Variants in NME7 observed in about 807,000 individuals in gnomAD.
NME7 encodes nucleoside diphosphate kinase 7.
A neutral mutation model predicts 49.1 loss-of-function variants in NME7; 41 were observed. The ratio of observed to expected loss-of-function variants is 0.83; its 90% CI spans 0.65 to 1.08. The LOEUF (loss-of-function observed/expected upper bound fraction) is 1.08, where lower values mean the gene tolerates loss of function less well. NME7 is among the 50% of genes least tolerant of loss of function. The pLI, the probability that NME7 is intolerant of heterozygous loss-of-function variation, is 0.00. For missense variants in NME7, 423 were observed against 463.4 expected (o/e 0.91, Z 0.80); for synonymous variants, 139 against 150.6 (o/e 0.92, Z 0.56).
intron 10 of NME7, among the ~76,000 whole-genome samples, chr1:169,211,583 CAT>C (rs1050268437): frequency 9.2e-5 from 14 of 152,216 alleles, no homozygotes; most frequent in African/African-American, 2.6e-4. Flanking sequence ...TAGATTTGCA[CAT>C]GTTTTATGCC....
At chr1:169,205,481 A>G (rs1660648359) in intron 10 of NME7, among the ~76,000 whole-genome samples, 1 of 152,114 alleles carries the variant, frequency 6.6e-6, no homozygotes, top group Non-Finnish European at 1.5e-5. Flanking sequence ...AGTAAGAAAA[A>G]TCCATATTTA....
intron 7 of NME7, among the ~76,000 whole-genome samples, chr1:169,276,827 T>C (rs1649753940): frequency 7.1e-6 from 1 of 140,894 alleles, no homozygotes; most frequent in African/African-American, 2.5e-5. Flanking sequence ...GGCCATTTAG[T>C]GCTATAAATT....
intron 3 of NME7, 32 bp downstream of exon 3, chr1:169,323,085 C>T (rs1651914699): frequency 6.8e-7 from 1 of 1,479,124 alleles, no homozygotes; most frequent in African/African-American, 1.4e-5. Context: ...AAAGTTAGAG[C>T]ATGTAAAAAG....
chr1:169,324,574 G>T, intron 1 of NME7, 74 bp from the exon 2 acceptor site: 1 of 885,994 alleles, frequency 1.1e-6, no homozygotes, highest in East Asian at 2.5e-5. Context: ...CACACAAAAT[G>T]AAATTACCAA....
chr1:169,141,562 C>G (rs1016576925), intron 11 of NME7, among the ~76,000 whole-genome samples: 1 of 152,130 alleles, frequency 6.6e-6, no homozygotes, highest in African/African-American at 2.4e-5. Context: ...TGCTGAGTGT[C>G]CTCATAAAGG....
At chr1:169,233,291 A>T (rs1246812227) in intron 9 of NME7, among the ~76,000 whole-genome samples, 1 of 152,106 alleles carries the variant, frequency 6.6e-6, no homozygotes, top group East Asian at 1.9e-4. Flanking sequence ...AATGCCTCTC[A>T]TAGTGTCTAG....
At chr1:169,346,523 C>T (rs145605737) in intron 1 of NME7, among the ~76,000 whole-genome samples, 4 of 152,338 alleles carry the variant, frequency 2.6e-5, no homozygotes, top group Non-Finnish European at 5.9e-5. Context: ...CTCCACAAGA[C>T]TAACTCTGGC....
intron 3 of NME7, among the ~76,000 whole-genome samples, chr1:169,316,344 A>C (rs1293862994): frequency 6.6e-6 from 1 of 152,222 alleles, no homozygotes; most frequent in Non-Finnish European, 1.5e-5. Context: ...ATTATTATAG[A>C]ACTGTAAGTT....
chr1:169,202,719 T>A (rs1412148944), intron 10 of NME7, among the ~76,000 whole-genome samples: 1 of 152,156 alleles, frequency 6.6e-6, no homozygotes, highest in Non-Finnish European at 1.5e-5. Flanking sequence ...AGGGTTGTAG[T>A]CTGAAGGGTG....
intron 7 of NME7, among the ~76,000 whole-genome samples, chr1:169,243,831 A>G (rs1458251980): frequency 6.6e-6 from 1 of 152,182 alleles, no homozygotes; most frequent in Non-Finnish European, 1.5e-5. Context: ...GATAATGCCT[A>G]TGAGGAAAGT....
chr1:169,183,352 A>C (rs1421817022), intron 10 of NME7, among the ~76,000 whole-genome samples: 1 of 152,184 alleles, frequency 6.6e-6, no homozygotes. Context: ...AGACATGTCT[A>C]TTACTATTAT....
At chr1:169,303,089 T>C (rs1198084056) in intron 5 of NME7, 56 bp downstream of exon 5, 78 of 1,177,174 alleles carry the variant, frequency 6.6e-5, no homozygotes, top group Non-Finnish European at 9.2e-5. Flanking sequence ...TGTAACTCCA[T>C]AGTTTTCTAG....
Position 169,230,749 on chromosome 1 carries a change from G to A in NME7, c.959C>T (p.Thr320Ile). The A allele has an allele frequency of 1.2e-6, 2 of 1,604,286 alleles. No homozygotes were observed. Among genetic ancestry groups the A allele is most frequent in the Admixed American group, 1.7e-5 (1 of 58,228 alleles). ...MEIQQNNATK[T>I]FREFCGPADP... ...AGCAGGTCCACAAAATTCTCGAAATGTCTTTGTAGCATTATTCTGTTGAAT... is the reference window on the plus strand; with the variant it reads ...AGCAGGTCCACAAAATTCTCGAAATATCTTTGTAGCATTATTCTGTTGAAT... Residue 320 changes from threonine (T) to isoleucine (I), a missense_variant, in exon 10 of 12, where the codon ACA (threonine) becomes ATA (isoleucine). Coordinates refer to ENST00000367811, the MANE Select transcript of NME7 (RefSeq NM_013330.5).
intron 1 of NME7, among the ~76,000 whole-genome samples, chr1:169,361,693 T>C (rs990562407): frequency 3.3e-5 from 5 of 151,512 alleles, no homozygotes; most frequent in South Asian, 2.1e-4. Flanking sequence ...GGCACAAGAA[T>C]TGCTTGAACC....
chr1:169,238,137 C>T (rs1177757565), intron 7 of NME7, among the ~76,000 whole-genome samples: 2 of 151,810 alleles, frequency 1.3e-5, no homozygotes, highest in Admixed American at 6.6e-5. Context: ...AAATGAAAAG[C>T]ATGAATGGTC....
intron 6 of NME7, among the ~76,000 whole-genome samples, chr1:169,296,881 T>C (rs1370915888): frequency 1.3e-5 from 2 of 152,152 alleles, no homozygotes; most frequent in Admixed American, 6.6e-5. Flanking sequence ...CTTCTTTCAT[T>C]ATTACCACCC....
At chr1:169,299,184 AATTT>A (rs1434585250) in intron 5 of NME7, among the ~76,000 whole-genome samples, 2 of 152,114 alleles carry the variant, frequency 1.3e-5, no homozygotes, top group African/African-American at 4.8e-5. Context: ...TTTTAGTAAG[AATTT>A]ATTTATTTTT....
Position 169,235,188 on chromosome 1 carries a change from A to G in NME7, c.831T>C (p.Asp277=), listed in dbSNP as rs749789543. The part of the protein sequence containing the change: ...EISAMQMFNM[D]RVNVEEFYEV... ...CATAGAATTCCTCAACATTAACCCG[A>G]TCCATATTGAACTATATTAAAAAAT... is the stretch of plus-strand genomic sequence containing the variant. Residue 277 remains aspartate, a synonymous_variant, in exon 9 of 12, where the codon GAT becomes GAC. Transcript: ENST00000367811. 2 of 1,540,288 alleles carry G rather than the reference A, an allele frequency of 1.3e-6. No homozygotes were observed. Among genetic ancestry groups the G allele is most frequent in the Admixed American group, 1.8e-5 (1 of 55,884 alleles).
intron 3 of NME7, among the ~76,000 whole-genome samples, chr1:169,313,797 G>C (rs1558035059): frequency 6.6e-6 from 1 of 152,060 alleles, no homozygotes; most frequent in South Asian, 2.1e-4. Context: ...TAAAGTATCT[G>C]TGCAAACTAT....
Sources: gnomAD v4.1 joint callset for allele counts (sites outside exome capture counted in the v4.1 genomes callset) on GRCh38, gnomAD v4.1.1 for gene constraint, MANE v1.5 for transcripts, NCBI Gene and HGNC (gene_info 2026-07-23, HGNC 2026-07-21) for gene names.